CCSER1: variants seen among roughly 807,000 people sequenced by gnomAD.
CCSER1 encodes the protein serine-rich coiled-coil domain-containing protein 1.
In CCSER1, 41 loss-of-function variants were observed where a neutral mutation model predicts 82.0. The observed-to-expected ratio is 0.50, with a 90% CI of 0.39 to 0.65. The LOEUF (loss-of-function observed/expected upper bound fraction) is 0.65, where lower values mean the gene tolerates loss of function less well. CCSER1 is among the 30% of genes least tolerant of loss of function. The pLI is 0.00. For missense variants in CCSER1, 1,119 were observed against 1,064.2 expected (o/e 1.05, Z -0.72); for synonymous variants, 414 against 383.9 (o/e 1.08, Z -0.92).
chr4:90,234,341 C>A (rs927255538), intron 1 of CCSER1, among the ~76,000 whole-genome samples: 5 of 151,940 alleles, frequency 3.3e-5, no homozygotes, highest in African/African-American at 1.2e-4. Flanking sequence ...CTCAGCCTCC[C>A]AAATAGCTGG....
chr4:90,188,841 G>A (rs1425465882), intron 1 of CCSER1, among the ~76,000 whole-genome samples: 2 of 151,926 alleles, frequency 1.3e-5, no homozygotes, highest in Admixed American at 1.3e-4. Flanking sequence ...TCTTCAAAGA[G>A]AAGTGACCTG....
At chr4:90,802,248 AATATAAATATATATAATATATATTAT>A (rs1756934034) in intron 7 of CCSER1, among the ~76,000 whole-genome samples, 1 of 147,904 alleles carries the variant, frequency 6.8e-6, no homozygotes, top group African/African-American at 2.5e-5. Context: ...CAAATATATA[AATATAAATATATATAATATATATTAT>A]ATGTAAATAT....
At chr4:91,289,531 A>C (rs962414952) in intron 10 of CCSER1, among the ~76,000 whole-genome samples, 1 of 152,062 alleles carries the variant, frequency 6.6e-6, no homozygotes, top group Non-Finnish European at 1.5e-5. Flanking sequence ...AATTGAGTGG[A>C]AATTCAATTC....
intron 7 of CCSER1, among the ~76,000 whole-genome samples, chr4:90,743,806 C>T (rs1339776918): frequency 6.6e-6 from 1 of 152,150 alleles, no homozygotes; most frequent in African/African-American, 2.4e-5. Flanking sequence ...GTTACCACAC[C>T]ATGCTAAAGA....
intron 4 of CCSER1, among the ~76,000 whole-genome samples, chr4:90,423,212 C>A (rs907055436): frequency 6.6e-6 from 1 of 151,606 alleles, no homozygotes; most frequent in African/African-American, 2.4e-5. Context: ...CCAGGTGGTT[C>A]TTTTTATTTA....
chr4:90,886,330 A>G (rs188686001), intron 8 of CCSER1, among the ~76,000 whole-genome samples: 7 of 152,134 alleles, frequency 4.6e-5, no homozygotes, highest in Admixed American at 4.6e-4. Flanking sequence ...TCAGGTTCTG[A>G]TTCAGCTTCA....
At chr4:91,159,435 A>G (rs930216271) in intron 10 of CCSER1, among the ~76,000 whole-genome samples, 3 of 151,972 alleles carry the variant, frequency 2.0e-5, no homozygotes, top group Admixed American at 6.6e-5. Context: ...AATTAGATAA[A>G]TGCCAGTATT....
At chr4:91,375,007 T>A (rs559466617) in intron 10 of CCSER1, among the ~76,000 whole-genome samples, 2 of 152,062 alleles carry the variant, frequency 1.3e-5, no homozygotes, top group African/African-American at 2.4e-5. Flanking sequence ...AAAAAAAAAA[T>A]TGTCATTTTG....
chr4:90,224,837 T>A (rs543854538), intron 1 of CCSER1, among the ~76,000 whole-genome samples: 4 of 152,326 alleles, frequency 2.6e-5, no homozygotes, highest in African/African-American at 9.6e-5. Flanking sequence ...ATAATTAGCC[T>A]AATTCTTATT....
chr4:91,196,173 C>T (rs1266197982), intron 10 of CCSER1, among the ~76,000 whole-genome samples: 7 of 117,400 alleles, frequency 6.0e-5, no homozygotes, highest in Non-Finnish European at 1.1e-4. Flanking sequence ...GGCCAAACAG[C>T]GAGACAAAAA....
intron 10 of CCSER1, among the ~76,000 whole-genome samples, chr4:91,531,946 C>T (rs1038841266): frequency 6.6e-6 from 1 of 152,158 alleles, no homozygotes; most frequent in Non-Finnish European, 1.5e-5. Flanking sequence ...CTCTTGTGCT[C>T]AAGGGAAATT....
rs1019134596 is a variant in CCSER1 at position 90,292,222 on chromosome 4, A to G, written c.-41-16022A>G. Among the ~76,000 whole-genome samples the G allele has an allele frequency of 2.0e-5, 3 of 151,996 alleles. No individual in the cohort carries two copies. The South Asian group carries it at 6.2e-4, about 32-fold the overall frequency. On this transcript the variant is annotated intron_variant, in intron 1 of 10. Transcript: ENST00000509176. ...TGTTAGTGGTAATGGCTTATAACAC[A>G]TTATTTTTCCCTTCATATCTATGGA...
chr4:91,047,826 C>T lies in CCSER1; in HGVS notation c.2173-38124C>T, dbSNP rs534881820. Among the ~76,000 whole-genome samples, 9 of 152,114 alleles carry T rather than the reference C, an allele frequency of 5.9e-5. No individual in the cohort carries two copies. In the East Asian group the frequency reaches 9.7e-4, roughly 16 times the overall value. ...TCTTTTTAAGCCATATATAAATATT[C>T]GCCAGAAAATAAGTTCAAATCCTCA... On this transcript the variant is annotated intron_variant, in intron 9 of 10. Transcript: ENST00000509176.
intron 3 of CCSER1, among the ~76,000 whole-genome samples, chr4:90,324,707 G>T (rs1224141125): frequency 6.6e-6 from 1 of 152,022 alleles, no homozygotes; most frequent in Admixed American, 6.6e-5. Context: ...GGCTTTTGTT[G>T]CCGTTGCTTT....
At chr4:90,890,916 T>G (rs2150112411) in intron 8 of CCSER1, among the ~76,000 whole-genome samples, 1 of 152,262 alleles carries the variant, frequency 6.6e-6, no homozygotes, top group East Asian at 1.9e-4. Context: ...TGTAAAAAAC[T>G]ACTCTACTAT....
chr4:91,300,936 G>A (rs1744616774), intron 10 of CCSER1, among the ~76,000 whole-genome samples: 1 of 151,834 alleles, frequency 6.6e-6, no homozygotes, highest in African/African-American at 2.4e-5. Context: ...TAAAGGGTGA[G>A]TCATTAGGGA....
intron 3 of CCSER1, among the ~76,000 whole-genome samples, chr4:90,335,298 T>G (rs1561049740): frequency 6.6e-6 from 1 of 152,198 alleles, no homozygotes; most frequent in Non-Finnish European, 1.5e-5. Flanking sequence ...CACACTTAAT[T>G]TTTAAACCAT....
At chr4:90,154,860 A>G (rs1191983473) in intron 1 of CCSER1, among the ~76,000 whole-genome samples, 4 of 151,896 alleles carry the variant, frequency 2.6e-5, no homozygotes, top group African/African-American at 7.2e-5. Context: ...TCCTAACTGA[A>G]TACCCTTTAT....
intron 10 of CCSER1, among the ~76,000 whole-genome samples, chr4:91,376,974 C>T (rs1030931738): frequency 1.4e-5 from 2 of 143,390 alleles, no homozygotes; most frequent in African/African-American, 5.1e-5. Flanking sequence ...TGTTCAATTC[C>T]CACCTATGAG....
Sources: allele counts gnomAD v4.1 joint callset (sites outside exome capture counted in the v4.1 genomes callset), GRCh38; gene constraint gnomAD v4.1.1; transcripts MANE v1.5; gene names NCBI Gene and HGNC (gene_info 2026-07-23, HGNC 2026-07-21).